Variants in FRMPD4 observed in about 807,000 individuals in gnomAD.
FRMPD4 encodes the protein FERM and PDZ domain-containing protein 4.
A neutral mutation model predicts 94.1 loss-of-function variants in FRMPD4; 22 were observed. The observed-to-expected ratio is 0.23, with a 90% CI of 0.17 to 0.33. FRMPD4 has a LOEUF of 0.33. Ranked by LOEUF, FRMPD4 falls within the 10% of genes least tolerant of loss-of-function variation. FRMPD4 has a pLI of 1.00. For missense variants in FRMPD4, 1,111 were observed against 1,339.9 expected, an observed-to-expected ratio of 0.83 and a Z score of 2.67; for synonymous variants, 631 against 548.6, an observed-to-expected ratio of 1.15 and a Z score of -2.10.
intron 1 of FRMPD4, among the ~76,000 whole-genome samples, chrX:12,233,583 A>G (rs2057036999): frequency 9.0e-6 from 1 of 111,613 alleles, no homozygotes; most frequent in Non-Finnish European, 1.9e-5. Flanking sequence ...GCTGTATATC[A>G]AGGATATACA....
At chrX:12,492,482 A>G (rs1446635308) in intron 1 of FRMPD4, among the ~76,000 whole-genome samples, 1 of 112,349 alleles carries the variant, frequency 8.9e-6, no homozygotes, top group Non-Finnish European at 1.9e-5. Context: ...ATACAGTCAA[A>G]TGTCTTTTAC....
At chrX:12,429,439 C>T (rs1176604473) in intron 1 of FRMPD4, among the ~76,000 whole-genome samples, 2 of 111,567 alleles carry the variant, frequency 1.8e-5, no homozygotes. Context: ...CTGCTAAAAC[C>T]TTCTGGAGTT....
intron 1 of FRMPD4, among the ~76,000 whole-genome samples, chrX:12,446,887 A>C (rs762509159): frequency 6.3e-5 from 7 of 111,760 alleles, no homozygotes; most frequent in Non-Finnish European, 1.1e-4. Flanking sequence ...TAGCTGTCGC[A>C]ATGAGAGCGA....
At chrX:12,480,241 C>A (rs1389854422) in intron 1 of FRMPD4, among the ~76,000 whole-genome samples, 2 of 99,253 alleles carry the variant, frequency 2.0e-5, no homozygotes, top group African/African-American at 3.7e-5. Flanking sequence ...ACAACAAAAC[C>A]TTTGAGAGTT....
At chrX:12,538,988 C>T (rs1375610629) in intron 2 of FRMPD4, among the ~76,000 whole-genome samples, 1 of 111,743 alleles carries the variant, frequency 8.9e-6, no homozygotes, top group Admixed American at 9.5e-5. Flanking sequence ...CAAACTTCTG[C>T]GAGCTAAAGG....
chrX:12,506,512 C>T (rs111331227), intron 2 of FRMPD4, among the ~76,000 whole-genome samples: 1,896 of 111,759 alleles, frequency 0.017, 43 homozygotes, highest in African/African-American at 0.057. Flanking sequence ...TGGTCTCAAT[C>T]TCTTGACCTC....
chrX:12,684,957 C>A (rs1669500673), intron 6 of FRMPD4, among the ~76,000 whole-genome samples: 1 of 111,641 alleles, frequency 9.0e-6, no homozygotes, highest in Admixed American at 9.5e-5. Flanking sequence ...GGATGCTCCT[C>A]AGACTTCATG....
chrX:12,171,849 A>G (rs1268351266), intron 1 of FRMPD4, among the ~76,000 whole-genome samples: 1 of 111,927 alleles, frequency 8.9e-6, no homozygotes, highest in Non-Finnish European at 1.9e-5. Context: ...ATAGCTAAAC[A>G]CAATCTGGCT....
At chrX:11,825,656 G>A (rs928621399) in intron 1 of FRMPD4, among the ~76,000 whole-genome samples, 2 of 110,896 alleles carry the variant, frequency 1.8e-5, no homozygotes, top group African/African-American at 6.6e-5. Flanking sequence ...TATATATACC[G>A]CACCCCCCCA....
rs1050131679 is a variant in FRMPD4, at chrX:11,878,694, A to T, written c.95+676A>T. On this transcript the variant is annotated intron_variant, in intron 3 of 18. Coordinates refer to the FRMPD4 transcript ENST00000640291. ...TTTCTTGGGGTTGTCTAGCTTTCAA[A>T]TACGAGAAATTCATCAGTAATGCAC... 2.7e-5 allele frequency among the ~76,000 whole-genome samples: 3 copies of T among 112,488 alleles called. No individual in the cohort carries two copies. In the East Asian group the frequency reaches 8.3e-4, roughly 31 times the overall value.
intron 9 of FRMPD4, among the ~76,000 whole-genome samples, chrX:12,697,401 G>A (rs1012747470): frequency 6.8e-4 from 76 of 112,263 alleles, no homozygotes; most frequent in African/African-American, 2.3e-3. Flanking sequence ...AGTTATAGGC[G>A]CTGGTCAGTA....
chrX:11,890,091 C>T (rs1010835994), intron 3 of FRMPD4, among the ~76,000 whole-genome samples: 2 of 112,197 alleles, frequency 1.8e-5, no homozygotes, highest in Non-Finnish European at 3.8e-5. Context: ...GTTGGGGGAA[C>T]TGTTGGCAGC....
intron 4 of FRMPD4, among the ~76,000 whole-genome samples, chrX:12,659,399 TTTTATTGACTG>T (rs1447650053): frequency 8.9e-6 from 1 of 112,669 alleles, no homozygotes; most frequent in East Asian, 2.8e-4. Context: ...AGGTTAGGTG[TTTTATTGACTG>T]TTTTATTTAT....
At chrX:11,874,870 A>G (rs1401728571) in intron 2 of FRMPD4, among the ~76,000 whole-genome samples, 4 of 112,004 alleles carry the variant, frequency 3.6e-5, no homozygotes, top group Non-Finnish European at 3.8e-5. Context: ...GAAAAAAAAC[A>G]ACAATAACAA....
At chrX:12,348,984 C>T (rs1334447416) in intron 1 of FRMPD4, among the ~76,000 whole-genome samples, 2 of 112,316 alleles carry the variant, frequency 1.8e-5, no homozygotes, top group African/African-American at 3.2e-5. Context: ...AGCCTAAACA[C>T]AGGGGGACTG....
chrX:11,915,261 T>C (rs1205846142), intron 3 of FRMPD4, among the ~76,000 whole-genome samples: 1 of 112,548 alleles, frequency 8.9e-6, no homozygotes, highest in African/African-American at 3.2e-5. Flanking sequence ...TATGGAAGGG[T>C]AATAAAACAA....
chrX:12,330,217 A>C (rs2055350979), intron 1 of FRMPD4, among the ~76,000 whole-genome samples: 1 of 111,210 alleles, frequency 9.0e-6, no homozygotes, highest in African/African-American at 3.3e-5. Context: ...CACTTCAGCT[A>C]TCTGGGCCTC....
chrX:12,627,627 G>A (rs893494121), intron 4 of FRMPD4, among the ~76,000 whole-genome samples: 8 of 111,767 alleles, frequency 7.2e-5, no homozygotes, highest in African/African-American at 1.9e-4. Context: ...ATATAATGAC[G>A]GAAATTAATA....
intron 3 of FRMPD4, among the ~76,000 whole-genome samples, chrX:12,074,944 G>A (rs1284980635): frequency 1.8e-5 from 2 of 112,331 alleles, no homozygotes; most frequent in South Asian, 3.7e-4. Context: ...TGTGGGAAGA[G>A]GGTTGTAATC....
Sources: allele counts gnomAD v4.1 joint callset (sites outside exome capture counted in the v4.1 genomes callset), GRCh38; gene constraint gnomAD v4.1.1; transcripts MANE v1.5; gene names NCBI Gene and HGNC (gene_info 2026-07-23, HGNC 2026-07-21).